ANO1: variants seen among roughly 807,000 people sequenced by gnomAD.
The protein encoded by ANO1 is anoctamin 1.
A neutral mutation model predicts 124.0 loss-of-function variants in ANO1; 59 were observed. That is an observed-to-expected ratio of 0.48 (90% CI 0.39 to 0.59). ANO1 has a LOEUF of 0.59. Ranked by LOEUF, ANO1 falls within the 20% of genes least tolerant of loss-of-function variation. The pLI is 0.00. For missense variants in ANO1, 1,059 were observed against 1,328.0 expected, an observed-to-expected ratio of 0.80 and a Z score of 3.15; for synonymous variants, 529 against 532.0, an observed-to-expected ratio of 0.99 and a Z score of 0.08.
intron 22 of ANO1, among the ~76,000 whole-genome samples, chr11:70,173,075 C>T (rs1033133443): frequency 6.6e-6 from 1 of 152,168 alleles, no homozygotes; most frequent in Non-Finnish European, 1.5e-5. Context: ...TGACCAAATT[C>T]ACCAATCCTC....
chr11:70,159,306 C>T (rs1362327141), intron 16 of ANO1, among the ~76,000 whole-genome samples: 1 of 152,176 alleles, frequency 6.6e-6, no homozygotes, highest in Non-Finnish European at 1.5e-5. Context: ...ACCCACCACA[C>T]CTCTGCTTGC....
chr11:70,116,597 C>A, intron 8 of ANO1, 98 bp downstream of exon 8: 1 of 1,242,444 alleles, frequency 8.0e-7, no homozygotes, highest in Non-Finnish European at 1.1e-6. Flanking sequence ...TTACCGGCCT[C>A]CAGGGCCTCC....
chr11:69,968,567 TCTGTGATCC>T, the ANO1 span, among the ~76,000 whole-genome samples: 6 of 152,210 alleles, frequency 3.9e-5, no homozygotes, highest in Admixed American at 6.5e-5. Context: ...CTGCCAAAGT[TCTGTGATCC>T]CTGAACTGAG....
intron 1 of ANO1, among the ~76,000 whole-genome samples, chr11:70,016,857 C>G (rs1295395734): frequency 1.3e-5 from 2 of 152,240 alleles, no homozygotes; most frequent in Non-Finnish European, 2.9e-5. Context: ...GTGACTAAAC[C>G]AGGCCATTTC....
At chr11:69,995,093 G>GTTT (rs1278482378) in intron 1 of ANO1, among the ~76,000 whole-genome samples, 248 of 21,536 alleles carry the variant, frequency 0.012, 6 homozygotes, top group African/African-American at 0.021. Context: ...TGCTGGCACT[G>GTTT]TTTTTTTTTT....
rs1365258894 is a variant in ANO1 at position 70,011,274 on chromosome 11, G to T, written c.58+25108G>T. ...TGGAGTTTGGCTGGAGTGAGCAGGGGAGGGAAGGATGGGAAGTGTCCTTCA... is the reference window on the plus strand; with the variant it reads ...TGGAGTTTGGCTGGAGTGAGCAGGGTAGGGAAGGATGGGAAGTGTCCTTCA... On this transcript the variant is annotated intron_variant, in intron 1 of 27. Coordinates refer to the ANO1 transcript ENST00000531349. Among the ~76,000 whole-genome samples, 3 of 152,144 alleles carry T rather than the reference G, an allele frequency of 2.0e-5. No individual in the cohort carries two copies. In the East Asian group the frequency reaches 5.8e-4, roughly 29 times the overall value.
At chr11:69,997,918 G>A (rs981016863) in intron 1 of ANO1, among the ~76,000 whole-genome samples, 7 of 152,110 alleles carry the variant, frequency 4.6e-5, no homozygotes, top group East Asian at 1.9e-4. Flanking sequence ...TACAGCCTGC[G>A]GAGCCATCAG....
chr11:70,080,791 T>C (rs1211958089), intron 1 of ANO1, among the ~76,000 whole-genome samples: 1 of 152,140 alleles, frequency 6.6e-6, no homozygotes, highest in African/African-American at 2.4e-5. Context: ...GCGCGCGCTG[T>C]GGGAGGCAGA....
intron 11 of ANO1, among the ~76,000 whole-genome samples, chr11:70,146,770 T>C (rs1032739365): frequency 2.0e-5 from 3 of 151,958 alleles, no homozygotes; most frequent in African/African-American, 7.3e-5. Flanking sequence ...CCAGTGTAAG[T>C]CCAAGAGTCC....
rs530563217 is a variant in ANO1 at position 70,011,215 on chromosome 11, G to A, written c.58+25049G>A. ...AGCGTGTGCAATGGCCTGGGGTCGGGGAGTGGAGAGCAGGGTGGAGGAACT... is the reference window on the plus strand; with the variant it reads ...AGCGTGTGCAATGGCCTGGGGTCGGAGAGTGGAGAGCAGGGTGGAGGAACT... On this transcript the variant is annotated intron_variant, in intron 1 of 27. Transcript: ENST00000531349. Among the ~76,000 whole-genome samples, 497 of 152,310 alleles carry A rather than the reference G, an allele frequency of 3.3e-3. 2 individuals carry two copies. The highest frequency in any genetic ancestry group is 0.011 in the African/African-American group (477 of 41,556).
intron 1 of ANO1, among the ~76,000 whole-genome samples, chr11:70,058,825 G>A (rs1056935552): frequency 1.4e-4 from 21 of 152,140 alleles, no homozygotes; most frequent in Non-Finnish European, 2.6e-4. Flanking sequence ...ACGGTAAGGG[G>A]TATGAAGGTT....
At chr11:70,031,868 G>T (rs1346953094) in intron 1 of ANO1, among the ~76,000 whole-genome samples, 1 of 152,200 alleles carries the variant, frequency 6.6e-6, no homozygotes, top group Admixed American at 6.5e-5. Flanking sequence ...GCATCAGGGA[G>T]TGTCCTTCCT....
intron 1 of ANO1, among the ~76,000 whole-genome samples, chr11:70,060,786 G>C (rs1241613495): frequency 1.3e-5 from 2 of 152,162 alleles, no homozygotes; most frequent in Non-Finnish European, 2.9e-5. Flanking sequence ...CAGGTCATGG[G>C]CCTGGGTCCT....
rs1445385098 is a variant in ANO1 at position 70,149,732 on chromosome 11, G to A, written c.1281G>A (p.Trp427Ter). The A allele has an allele frequency of 2.5e-6, 4 of 1,613,668 alleles. No homozygotes were observed. Among genetic ancestry groups the A allele is most frequent in the Non-Finnish European group, 3.4e-6 (4 of 1,179,854 alleles). The change falls in exon 12 of 26, where the codon TGG (tryptophan) becomes TGA (stop). Residue 427 changes from tryptophan (W) to a stop codon, truncating the protein, a stop_gained. Coordinates refer to ENST00000355303, the MANE Select transcript of ANO1 (RefSeq NM_018043.7). LOFTEE classifies it high-confidence loss of function. The stretch of plus-strand genomic sequence containing the variant: ...CAGCTGCCACCTTCATGGAGCACTG[G>A]AAGCGGAAACAGATGCGACTCAACT... ...ALWAATFMEH[W>*]KRKQMRLNYR...
intron 1 of ANO1, among the ~76,000 whole-genome samples, chr11:70,018,977 G>C (rs1394214613): frequency 6.6e-6 from 1 of 152,246 alleles, no homozygotes; most frequent in African/African-American, 2.4e-5. Flanking sequence ...TCCATGGAAG[G>C]GAGAAAATCC....
intron 5 of ANO1, among the ~76,000 whole-genome samples, chr11:70,106,395 G>A (rs374576928): frequency 2.0e-4 from 30 of 152,314 alleles, no homozygotes; most frequent in Middle Eastern, 3.4e-3. Context: ...CCAAACTTTC[G>A]CTGTTATTCT....
At chr11:70,142,494 C>A (rs1289297791) in intron 11 of ANO1, among the ~76,000 whole-genome samples, 1 of 152,128 alleles carries the variant, frequency 6.6e-6, no homozygotes, top group African/African-American at 2.4e-5. Flanking sequence ...CCATCTCTGC[C>A]GAGCACTCTC....
intron 2 of ANO1, among the ~76,000 whole-genome samples, chr11:70,098,446 A>C (rs1319413256): frequency 6.6e-6 from 1 of 152,192 alleles, no homozygotes; most frequent in Non-Finnish European, 1.5e-5. Context: ...TTCCTGCCTG[A>C]CACGGGAGGT....
At chr11:70,122,752 T>TC (rs2046346052) in intron 8 of ANO1, among the ~76,000 whole-genome samples, 1 of 151,632 alleles carries the variant, frequency 6.6e-6, no homozygotes, top group African/African-American at 2.4e-5. Context: ...TGTCTCTGTC[T>TC]CCCCCCTTCC....
Sources: allele counts gnomAD v4.1 joint callset (sites outside exome capture counted in the v4.1 genomes callset), GRCh38; gene constraint gnomAD v4.1.1; transcripts MANE v1.5; gene names NCBI Gene and HGNC (gene_info 2026-07-23, HGNC 2026-07-21).